The following NFIC variants were observed in gnomAD, a reference collection of about 807,000 sequenced individuals.
The protein encoded by NFIC is nuclear factor 1 C-type.
NFIC carries 12 observed loss-of-function variants against 54.4 expected under a neutral mutation model. The observed-to-expected ratio is 0.22, with a 90% CI of 0.14 to 0.36. The LOEUF (loss-of-function observed/expected upper bound fraction) is 0.36. Among genes scored for constraint, NFIC ranks in the 10% least tolerant of loss-of-function variants. The pLI is 1.00. For synonymous variants in NFIC, 322 were observed against 319.2 expected, an observed-to-expected ratio of 1.01 and a Z score of -0.09; for missense variants, 575 against 718.2, an observed-to-expected ratio of 0.80 and a Z score of 2.28.
chr19:3,434,513 C>A (rs571407641), intron 5 of NFIC, 113 bp downstream of exon 5: 11 of 1,422,308 alleles, frequency 7.7e-6, no homozygotes, highest in African/African-American at 1.4e-5. Context: ...TCACGATTCA[C>A]CTGGCCTGAG....
intron 6 of NFIC, among the ~76,000 whole-genome samples, chr19:3,437,304 C>CTT (rs1411459323): frequency 6.6e-6 from 1 of 151,658 alleles, no homozygotes; most frequent in Non-Finnish European, 1.5e-5. Context: ...GGAGGCGGAG[C>CTT]TTGCAGTGAG....
At chr19:3,456,857 C>A (rs1476350653) in intron 10 of NFIC, 2 of 587,822 alleles carry the variant, frequency 3.4e-6, no homozygotes, top group Non-Finnish European at 6.1e-6. Context: ...TGGCCCCAGA[C>A]TCAGCCTGTG....
At chr19:3,372,009 CTCTCTCTCT>C (rs2081028539) in intron 1 of NFIC, among the ~76,000 whole-genome samples, 2 of 98,060 alleles carry the variant, frequency 2.0e-5, no homozygotes, top group African/African-American at 6.4e-5. Context: ...CTCTCTCTCT[CTCTCTCTCT>C]CTCTCTCTCT....
chr19:3,374,940 G>A (rs2081079533), intron 1 of NFIC, among the ~76,000 whole-genome samples: 1 of 152,116 alleles, frequency 6.6e-6, no homozygotes, highest in African/African-American at 2.4e-5. Context: ...AACTAGCCGG[G>A]GTCACCACTG....
intron 2 of NFIC, among the ~76,000 whole-genome samples, chr19:3,418,766 T>TG (rs1334231027): frequency 2.6e-5 from 4 of 152,140 alleles, no homozygotes; most frequent in African/African-American, 9.7e-5. Context: ...GCAGAAGATT[T>TG]GGTTGAAACC....
intron 7 of NFIC, among the ~76,000 whole-genome samples, chr19:3,451,064 A>C (rs967307698): frequency 2.0e-5 from 3 of 152,220 alleles, no homozygotes; most frequent in Non-Finnish European, 4.4e-5. Context: ...TAGTGAAAAT[A>C]CTAAAAATCA....
intron 6 of NFIC, among the ~76,000 whole-genome samples, chr19:3,438,425 GTTTCTT>G (rs1429055785): frequency 7.0e-6 from 1 of 143,154 alleles, no homozygotes; most frequent in Non-Finnish European, 1.5e-5. Flanking sequence ...CCTCCTGAGG[GTTTCTT>G]TTTTTTTTTT....
chr19:3,446,994 C>G lies in NFIC; in HGVS notation c.959-2020C>G, dbSNP rs370761119. 4.6e-5 allele frequency among the ~76,000 whole-genome samples: 7 copies of G among 152,214 alleles called. No homozygotes were observed. The South Asian group carries it at 8.3e-4, about 18-fold the overall frequency. Reference sequence around the variant, plus strand: ...TGAGCCATGATCGTGCCTCTGCACTCTAGCCTGGGTGACAAATAACTCGGC... The same window carrying G: ...TGAGCCATGATCGTGCCTCTGCACTGTAGCCTGGGTGACAAATAACTCGGC... On this transcript the variant is annotated intron_variant, in intron 6 of 10. Coordinates refer to ENST00000443272, the MANE Select transcript of NFIC (RefSeq NM_001245002.2).
At chr19:3,456,761 C>T (rs1377147565) in intron 10 of NFIC, 126 bp downstream of exon 10, 1 of 916,840 alleles carries the variant, frequency 1.1e-6, no homozygotes, top group Non-Finnish European at 1.7e-6. Context: ...CGCCAGCCTC[C>T]CACACCCCAC....
rs2082670471 is a variant in NFIC at position 3,463,452 on chromosome 19, A to T, written c.*683A>T. 2 of 985,102 alleles carry T rather than the reference A, an allele frequency of 2.0e-6. No individual in the cohort carries two copies. Among genetic ancestry groups the T allele is most frequent in the Non-Finnish European group, 2.4e-6 (2 of 829,942 alleles). 61.0% of individuals were successfully genotyped at this position (985,102 alleles called of 1,614,324 possible). On this transcript the variant is annotated 3_prime_UTR_variant, in exon 11 of 11. Transcript: ENST00000443272. Reference sequence around the variant, plus strand: ...GGCGCTTGCGAGCCCTGGCCAGGGGAGGAAGTGAGGCCCAGGCACCTGCTG... The same window carrying T: ...GGCGCTTGCGAGCCCTGGCCAGGGGTGGAAGTGAGGCCCAGGCACCTGCTG...
At chr19:3,450,622 T>C (rs192877948) in intron 7 of NFIC, among the ~76,000 whole-genome samples, 83 of 152,098 alleles carry the variant, frequency 5.5e-4, no homozygotes, top group African/African-American at 1.9e-3. Flanking sequence ...GCCATTGCAC[T>C]CCAGCCTGGG....
At chr19:3,451,137 C>T (rs1385057084) in intron 7 of NFIC, among the ~76,000 whole-genome samples, 8 of 152,148 alleles carry the variant, frequency 5.3e-5, no homozygotes, top group African/African-American at 1.9e-4. Flanking sequence ...GCCATGAAAA[C>T]GCACGAGGCT....
At chr19:3,361,105 T>A (rs1238824770) in intron 1 of NFIC, among the ~76,000 whole-genome samples, 1 of 152,198 alleles carries the variant, frequency 6.6e-6, no homozygotes, top group African/African-American at 2.4e-5. Flanking sequence ...CCCCCAGCCT[T>A]CGGGGTCCCC....
chr19:3,381,285 C>T (rs998161234), intron 1 of NFIC, among the ~76,000 whole-genome samples: 6 of 151,356 alleles, frequency 4.0e-5, no homozygotes, highest in Admixed American at 1.3e-4. Context: ...ATCCTAGCTA[C>T]TCGGGAGGCT....
chr19:3,371,518 T>TG (rs1051321062), intron 1 of NFIC: 2 of 152,034 alleles, frequency 1.3e-5, no homozygotes, highest in African/African-American at 2.4e-5. Flanking sequence ...AATGAATGAA[T>TG]GTTTTTGGTT....
At position 3,453,133 on chromosome 19, in the gene NFIC, G is replaced by C. The variant is rs982250933; in HGVS notation, c.1269+467G>C. Among the ~76,000 whole-genome samples the C allele has an allele frequency of 6.6e-6, 1 of 152,210 alleles. No individual in the cohort carries two copies. The highest frequency in any genetic ancestry group is 6.5e-5 in the Admixed American group (1 of 15,284). The stretch of plus-strand genomic sequence containing the variant: ...GGGCGCCTGTAGTCCCAGCTACTCA[G>C]GAGGCTGAGGTGGGAGGATCGCTTG... On this transcript the variant is annotated intron_variant, in intron 8 of 10. Coordinates refer to ENST00000443272, the MANE Select transcript of NFIC (RefSeq NM_001245002.2). This position sits in a 1 kb window ranked among gnomAD's most constrained non-coding sequence, Gnocchi z 6.7.
chr19:3,373,620 C>T (rs988169399), intron 1 of NFIC, among the ~76,000 whole-genome samples: 7 of 133,868 alleles, frequency 5.2e-5, no homozygotes, highest in African/African-American at 1.6e-4. Flanking sequence ...TTCCTGGACC[C>T]CCCCCCCAAG....
rs746713531 is a variant in NFIC, at chr19:3,449,120, C to A, written c.1065C>A (p.Pro355=). 1.2e-6 allele frequency: 2 copies of A among 1,613,514 alleles called. No homozygotes were observed. The highest frequency in any genetic ancestry group is 1.7e-5 in the Admixed American group (1 of 59,950). ...RLSSFTQHHR[P]VIAVHSGIAR... ...CCAGCTTCACCCAGCACCACCGGCC[C>A]GTCATCGCCGTGCACAGCGGTAAGC... The change falls in exon 7 of 11, where the codon CCC becomes CCA. Residue 355 remains proline, a synonymous_variant. Coordinates refer to ENST00000443272, the MANE Select transcript of NFIC (RefSeq NM_001245002.2).
rs1281774670 is a variant in NFIC, at chr19:3,459,621, C to T, written c.1509+2986C>T. On this transcript the variant is annotated intron_variant, in intron 10 of 10. Transcript: ENST00000443272. This position sits in a 1 kb window ranked among gnomAD's most constrained non-coding sequence, Gnocchi z 4.2. ...TGGAGTTGAGGGTGCCCCCACCCCA[C>T]CCCCGCCCCATTGCTGGGGCCACAG... Among the ~76,000 whole-genome samples the T allele has an allele frequency of 6.6e-6, 1 of 152,154 alleles. No individual in the cohort carries two copies. Among genetic ancestry groups the T allele is most frequent in the Admixed American group, 6.5e-5 (1 of 15,282 alleles).
Sources: allele counts gnomAD v4.1 joint callset (sites outside exome capture counted in the v4.1 genomes callset), GRCh38; gene constraint gnomAD v4.1.1; non-coding constraint Gnocchi (gnomAD v3.1); transcripts MANE v1.5; gene names NCBI Gene and HGNC (gene_info 2026-07-23, HGNC 2026-07-21).